Variants in TCP1 observed in about 807,000 individuals in gnomAD.
TCP1 encodes T-complex protein 1 subunit alpha.
TCP1 carries 6 observed loss-of-function variants against 54.7 expected under a neutral mutation model. The ratio of observed to expected loss-of-function variants is 0.11; its 90% CI spans 0.06 to 0.22. The LOEUF is 0.22. TCP1 is among the 10% of genes least tolerant of loss of function. The pLI, the probability that TCP1 is intolerant of heterozygous loss-of-function variation, is 1.00. For missense variants in TCP1, 511 were observed against 678.2 expected (o/e 0.75, Z 2.74); for synonymous variants, 225 against 229.7 (o/e 0.98, Z 0.19).
chr6:159,780,127 T>TA (rs759894761), intron 9 of TCP1, 40 bp from the exon 10 acceptor site: 17 of 1,578,154 alleles, frequency 1.1e-5, no homozygotes, highest in African/African-American at 1.4e-5. Context: ...ATAGCATTTT[T>TA]AAAAATTTTT....
Position 159,788,084 on chromosome 6 carries a change from C to G in TCP1, c.124G>C (p.Asp42His). The G allele has an allele frequency of 6.2e-7, 1 of 1,614,164 alleles. No individual in the cohort carries two copies. The highest frequency in any genetic ancestry group is 8.5e-7 in the Non-Finnish European group (1 of 1,180,040). ...VKSSLGPVGL[D>H]KMLVDDIGDV... ...CCAATATCATCCACCAACATTTTAT[C>G]CAAGCCAACTGGACCAAGAGAACTT... The change falls in exon 2 of 12, where the codon GAT becomes CAT. Residue 42 changes from aspartate to histidine, a missense_variant. This residue lies in a region of TCP1 where 54 missense variants were observed against 111.8 expected (regional missense o/e 0.48). Transcript: ENST00000321394.
At chr6:159,783,065 G>A (rs1780612936) in intron 7 of TCP1, among the ~76,000 whole-genome samples, 1 of 152,064 alleles carries the variant, frequency 6.6e-6, no homozygotes, top group South Asian at 2.1e-4. Context: ...AAAGATGTAC[G>A]ATAGGGAGTA....
chr6:159,789,033 C>A, intron 1 of TCP1: 2 of 231,024 alleles, frequency 8.7e-6, no homozygotes, highest in South Asian at 9.1e-5. Context: ...TAAAATAAAA[C>A]CTGGCGTTTA....
In TCP1 at chr6:159,781,044, G is replaced by A. The variant is rs748157457; in HGVS notation, c.864C>T (p.Thr288=). The change falls in exon 8 of 12, where the codon ACC becomes ACT. Residue 288 remains threonine (T), a synonymous_variant. Transcript: ENST00000321394. The part of the protein sequence containing the change: ...ILATGANVIL[T]TGGIDDMCLK... ...GACACATATCATCAATTCCACCAGTGGTTAGAATAACATTGGCACCAGTTG... is the reference window on the plus strand; with the variant it reads ...GACACATATCATCAATTCCACCAGTAGTTAGAATAACATTGGCACCAGTTG... 3.0e-5 allele frequency: 49 copies of A among 1,612,624 alleles called. No homozygotes were observed. Among genetic ancestry groups the A allele is most frequent in the Non-Finnish European group, 3.8e-5 (45 of 1,179,502 alleles).
Position 159,787,914 on chromosome 6 carries a change from C to T in TCP1, c.151-43G>A, listed in dbSNP as rs202234649. The T allele has an allele frequency of 1.1e-3, 1,729 of 1,610,830 alleles. 1 individual carries two copies. Among genetic ancestry groups the T allele is most frequent in the Non-Finnish European group, 1.4e-3 (1,600 of 1,177,312 alleles). ...AAAAATATGAACCACTTATAGAAAT[C>T]AACACAGCCCCATTATAATACACGT... On this transcript the variant is annotated intron_variant, in intron 2 of 11. Transcript: ENST00000321394.
In TCP1 at chr6:159,778,654, G is replaced by T. The variant is rs200892543; in HGVS notation, c.*391C>A. On this transcript the variant is annotated 3_prime_UTR_variant, in exon 12 of 12. Coordinates refer to ENST00000321394, the MANE Select transcript of TCP1 (RefSeq NM_030752.3). ...AAACAATCTAAATCTTTTCTCCCCC[G>T]TTAGGTCAATATTGAAGGAGGGGCT... is the stretch of plus-strand genomic sequence containing the variant. The T allele has an allele frequency of 5.6e-5, 90 of 1,613,380 alleles. No individual in the cohort carries two copies. Among genetic ancestry groups the T allele is most frequent in the Non-Finnish European group, 3.6e-5 (42 of 1,179,628 alleles).
At chr6:159,785,519 A>G in intron 4 of TCP1, 23 bp from the exon 5 acceptor site, 1 of 1,562,618 alleles carries the variant, frequency 6.4e-7, no homozygotes. Context: ...GTGGGGGAGA[A>G]AAACGCTTAT....
At chr6:159,780,886 G>C (rs759379389) in intron 8 of TCP1, 49 bp downstream of exon 8, 42 of 1,539,134 alleles carry the variant, frequency 2.7e-5, no homozygotes, top group Non-Finnish European at 3.7e-5. Flanking sequence ...CCTTTGATAG[G>C]ATCAGGGATA....
chr6:159,788,691 C>T (rs1162668660), intron 1 of TCP1: 1 of 153,504 alleles, frequency 6.5e-6, no homozygotes, highest in Non-Finnish European at 1.4e-5. Context: ...TTAAAACTCT[C>T]TTTATCTGTG....
intron 5 of TCP1, 104 bp from the exon 6 acceptor site, chr6:159,784,951 T>A: frequency 8.8e-7 from 1 of 1,141,450 alleles, no homozygotes; most frequent in Non-Finnish European, 1.3e-6. Flanking sequence ...TAATCTAATC[T>A]ATTAAAGCAG....
rs137911166 is a variant in TCP1 at position 159,789,191 on chromosome 6, C to T, written c.64+214G>A. 159 of 564,678 alleles carry T rather than the reference C, an allele frequency of 2.8e-4. 1 individual carries two copies. The highest frequency in any genetic ancestry group is 2.7e-3 in the African/African-American group (139 of 51,552). 35.0% of individuals were successfully genotyped at this position (564,678 alleles called of 1,614,324 possible). ...ATCCACGCGTTGCCGGTCTCAAAACCCTGCCGCGCGCGGCGGGGCTCCTCC... is the reference window on the plus strand; with the variant it reads ...ATCCACGCGTTGCCGGTCTCAAAACTCTGCCGCGCGCGGCGGGGCTCCTCC... On this transcript the variant is annotated intron_variant, in intron 1 of 11. Coordinates refer to ENST00000321394, the MANE Select transcript of TCP1 (RefSeq NM_030752.3).
chr6:159,781,126 G>A lies in TCP1; in HGVS notation c.798-16C>T. The A allele has an allele frequency of 6.4e-7, 1 of 1,563,630 alleles. No homozygotes were observed. The highest frequency in any genetic ancestry group is 8.6e-7 in the Non-Finnish European group (1 of 1,159,548). On this transcript the variant is annotated splice_polypyrimidine_tract_variant and intron_variant, in intron 7 of 11. Coordinates refer to ENST00000321394, the MANE Select transcript of TCP1 (RefSeq NM_030752.3). ...ATCTGATTCTCTGCAAAGTATTTTT[G>A]TAACCTGAGTTACCTTCTGTGATTT...
intron 7 of TCP1, among the ~76,000 whole-genome samples, chr6:159,781,527 C>G (rs1780575841): frequency 1.3e-5 from 2 of 152,210 alleles, no homozygotes; most frequent in Admixed American, 1.3e-4. Context: ...AATCCCAGCA[C>G]TTTGGGAGGC....
chr6:159,782,807 G>A (rs1396332850), intron 7 of TCP1, among the ~76,000 whole-genome samples: 2 of 152,176 alleles, frequency 1.3e-5, no homozygotes, highest in Non-Finnish European at 2.9e-5. Context: ...GGGCTATCCT[G>A]GAGAGTATTA....
rs1780794869 is a variant in TCP1, at chr6:159,789,399, C to G, written c.64+6G>C. The G allele has an allele frequency of 1.9e-6, 3 of 1,613,622 alleles. No individual in the cohort carries two copies. Among genetic ancestry groups the G allele is most frequent in the Non-Finnish European group, 2.5e-6 (3 of 1,179,834 alleles). ...CAAACCCGACCCAGGCCCGGCCCGC[C>G]CTTACCGTTTTGGGAGCGGATCGTT... On this transcript the variant is annotated splice_donor_region_variant and intron_variant, in intron 1 of 11. Transcript: ENST00000321394.
chr6:159,778,500 A>G lies in TCP1; in HGVS notation c.*545T>C. 1.2e-6 allele frequency: 1 copy of G among 851,716 alleles called. No individual in the cohort carries two copies. The highest frequency in any genetic ancestry group is 2.7e-5 in the East Asian group (1 of 36,640). 52.8% of individuals were successfully genotyped at this position (851,716 alleles called of 1,614,324 possible). The stretch of plus-strand genomic sequence containing the variant: ...GAACGAGGTAAGATAGGCAGGGATG[A>G]ATTTTCACAAAGGTGTAAATTTATT... On this transcript the variant is annotated 3_prime_UTR_variant, in exon 12 of 12. Coordinates refer to ENST00000321394, the MANE Select transcript of TCP1 (RefSeq NM_030752.3).
Position 159,778,879 on chromosome 6 carries a change from C to G in TCP1, c.*166G>C. ...AATTTCTTTTTAAACTAATAAAGTA[C>G]TAGGTTGCAATATGTGAAATCAGAG... On this transcript the variant is annotated 3_prime_UTR_variant, in exon 12 of 12. Transcript: ENST00000321394. 1 of 1,609,408 alleles carries G rather than the reference C, an allele frequency of 6.2e-7. No homozygotes were observed. Among genetic ancestry groups the G allele is most frequent in the Non-Finnish European group, 8.5e-7 (1 of 1,176,670 alleles).
intron 5 of TCP1, chr6:159,785,172 A>ACGCACGCGTGCGCGCAACACATGCG: frequency 1.6e-6 from 1 of 607,152 alleles, no homozygotes; most frequent in Non-Finnish European, 2.9e-6. Context: ...TGCTGCTACT[A>ACGCACGCGTGCGCGCAACACATGCG]CGCACGCGTG....
Position 159,779,892 on chromosome 6 carries a change from T to C in TCP1, c.1290+3A>G, listed in dbSNP as rs896959262. Reference sequence around the variant, plus strand: ...CTCTAAGACAAGAAATGACTGTTCTTACCATGCTGGTTGCATAGTTTTCAA... The same window carrying C: ...CTCTAAGACAAGAAATGACTGTTCTCACCATGCTGGTTGCATAGTTTTCAA... On this transcript the variant is annotated splice_donor_region_variant and intron_variant, in intron 10 of 11. Transcript: ENST00000321394. The C allele has an allele frequency of 6.2e-7, 1 of 1,613,706 alleles. No homozygotes were observed. The highest frequency in any genetic ancestry group is 1.3e-5 in the African/African-American group (1 of 74,784).
Sources: allele counts gnomAD v4.1 joint callset (sites outside exome capture counted in the v4.1 genomes callset), GRCh38; gene constraint gnomAD v4.1.1; regional missense constraint gnomAD v4.1.1; transcripts MANE v1.5; gene names NCBI Gene and HGNC (gene_info 2026-07-23, HGNC 2026-07-21).